The following LCAT variants were observed in gnomAD, a reference collection of about 807,000 sequenced individuals.
LCAT encodes the protein lecithin-cholesterol acyltransferase.
In LCAT, 15 loss-of-function variants were observed where a neutral mutation model predicts 41.0. The observed-to-expected ratio is 0.37, with a 90% CI of 0.24 to 0.56. The LOEUF (loss-of-function observed/expected upper bound fraction) is 0.56. Among genes scored for constraint, LCAT ranks in the 20% least tolerant of loss-of-function variants. The probability of loss-of-function intolerance (pLI) is 0.81; values close to 1 mark genes in which losing one functional copy is unlikely to be tolerated. For missense variants in LCAT, 449 were observed against 595.1 expected, an observed-to-expected ratio of 0.75 and a Z score of 2.55; for synonymous variants, 248 against 245.4, an observed-to-expected ratio of 1.01 and a Z score of -0.10.
At position 67,942,027 on chromosome 16, in the gene LCAT, C is replaced by G. The variant is rs903983937; in HGVS notation, c.748+336G>C. ...GATCCATCCTCAGTGAAGCACATCC[C>G]TGGGCAAAGGCACTCCTGCGAGCAA... is the stretch of plus-strand genomic sequence containing the variant. On this transcript the variant is annotated intron_variant, in intron 5 of 5. Transcript: ENST00000264005. The surrounding 1 kb of genome is among the most constrained non-coding windows in gnomAD (Gnocchi z 6.6). 3.2e-6 allele frequency: 4 copies of G among 1,237,254 alleles called. No homozygotes were observed. Among genetic ancestry groups the G allele is most frequent in the Non-Finnish European group, 4.1e-6 (4 of 974,608 alleles). 76.6% of individuals were successfully genotyped at this position (1,237,254 alleles called of 1,614,324 possible).
At chr16:67,941,756 C>T in intron 5 of LCAT, 23 of 1,009,016 alleles carry the variant, frequency 2.3e-5, no homozygotes, top group Non-Finnish European at 2.7e-5. Flanking sequence ...CCTTGTGTGG[C>T]TTATGCAGCA....
rs1276789031 is a variant in LCAT, at chr16:67,943,030, G to A, written c.311+26C>T. On this transcript the variant is annotated intron_variant, in intron 2 of 5. Coordinates refer to ENST00000264005, the MANE Select transcript of LCAT (RefSeq NM_000229.2). This position sits in a 1 kb window ranked among gnomAD's most constrained non-coding sequence, Gnocchi z 4.6. Reference sequence around the variant, plus strand: ...CAGTAGCCAAGGGGCAGCGTGTTGGGGCTAGGGTGGAGCACATGGCTGTAC... The same window carrying A: ...CAGTAGCCAAGGGGCAGCGTGTTGGAGCTAGGGTGGAGCACATGGCTGTAC... The A allele has an allele frequency of 1.3e-5, 21 of 1,613,726 alleles. No individual in the cohort carries two copies. The highest frequency in any genetic ancestry group is 4.5e-5 in the East Asian group (2 of 44,894).
chr16:67,942,856 C>T lies in LCAT; in HGVS notation c.427+5G>A, dbSNP rs752871592. ...GGAGCCCCAGCCCTGCCCTCTGACA[C>T]AAACCTGCCAGCTTGCTGCTGTCCA... On this transcript the variant is annotated splice_donor_5th_base_variant and intron_variant, in intron 3 of 5. Coordinates refer to ENST00000264005, the MANE Select transcript of LCAT (RefSeq NM_000229.2). The surrounding 1 kb of genome is among the most constrained non-coding windows in gnomAD (Gnocchi z 6.6). 1 of 1,613,562 alleles carries T rather than the reference C, an allele frequency of 6.2e-7. No individual in the cohort carries two copies. Among genetic ancestry groups the T allele is most frequent in the South Asian group, 1.1e-5 (1 of 91,090 alleles).
At chr16:67,941,857 G>C (rs1164119901) in intron 5 of LCAT, 4 of 1,080,804 alleles carry the variant, frequency 3.7e-6, no homozygotes, top group Non-Finnish European at 3.4e-6. Context: ...CGTTTCTCTT[G>C]TCCAGACTGT....
rs779419276 is a variant in LCAT, at chr16:67,944,093, C to T, written c.9G>A (p.Pro3=). 5.8e-6 allele frequency: 9 copies of T among 1,547,506 alleles called. No homozygotes were observed. Among genetic ancestry groups the T allele is most frequent in the South Asian group, 1.2e-5 (1 of 83,880 alleles). Residue 3 remains proline (P), a synonymous_variant, in exon 1 of 6, where the codon CCG becomes CCA. Transcript: ENST00000264005. This position sits in a 1 kb window ranked among gnomAD's most constrained non-coding sequence, Gnocchi z 6.6. MG[P]PGSPWQWVTL... is the part of the protein sequence containing the mutation. ...TCACCCACTGCCATGGGGAGCCGGG[C>T]GGCCCCATTCCAGCCCTGGTGCCTA...
rs747000513 is a variant in LCAT, at chr16:67,942,646, G to A, written c.523+25C>T. On this transcript the variant is annotated intron_variant, in intron 4 of 5. Transcript: ENST00000264005. This position sits in a 1 kb window ranked among gnomAD's most constrained non-coding sequence, Gnocchi z 6.6. ...GTCTGGGGCACCTGCCCCACCCCAA[G>A]CCGGTCATCCGCAGAGACACTCACC... 2.2e-5 allele frequency: 36 copies of A among 1,612,796 alleles called. No individual in the cohort carries two copies. Among genetic ancestry groups the A allele is most frequent in the Non-Finnish European group, 2.9e-5 (34 of 1,179,876 alleles).
chr16:67,942,783 A>G lies in LCAT; in HGVS notation c.428-17T>C, dbSNP rs1272845606. On this transcript the variant is annotated splice_polypyrimidine_tract_variant and intron_variant, in intron 3 of 5. Coordinates refer to ENST00000264005, the MANE Select transcript of LCAT (RefSeq NM_000229.2). The surrounding 1 kb of genome is among the most constrained non-coding windows in gnomAD (Gnocchi z 6.6). The stretch of plus-strand genomic sequence containing the variant: ...GCAGGTACCCTGTGGGGGGACCAGC[A>G]GCACCGGGGGCTTGGGCCATGCCTG... 1 of 1,612,838 alleles carries G rather than the reference A, an allele frequency of 6.2e-7. No homozygotes were observed. The highest frequency in any genetic ancestry group is 1.1e-5 in the South Asian group (1 of 91,074).
Position 67,943,880 on chromosome 16 carries a change from T to C in LCAT, c.154+68A>G. ...GCAGAAGGGCTTTGGCCAGGTCAGCTGCCAGGGGCTGGGGCCCAGGCTCCC... is the reference window on the plus strand; with the variant it reads ...GCAGAAGGGCTTTGGCCAGGTCAGCCGCCAGGGGCTGGGGCCCAGGCTCCC... On this transcript the variant is annotated intron_variant, in intron 1 of 5. Transcript: ENST00000264005. The surrounding 1 kb of genome is among the most constrained non-coding windows in gnomAD (Gnocchi z 4.6). 1 of 1,426,306 alleles carries C rather than the reference T, an allele frequency of 7.0e-7. No individual in the cohort carries two copies. The highest frequency in any genetic ancestry group is 9.5e-7 in the Non-Finnish European group (1 of 1,057,380). 88.4% of individuals were successfully genotyped at this position (1,426,306 alleles called of 1,614,324 possible).
intron 5 of LCAT, among the ~76,000 whole-genome samples, chr16:67,941,134 T>A (rs2058288888): frequency 6.6e-6 from 1 of 151,918 alleles, no homozygotes; most frequent in African/African-American, 2.4e-5. Flanking sequence ...GGAAACCTAA[T>A]CTCTACTAAA....
At chr16:67,941,825 T>C (rs1240129950) in intron 5 of LCAT, 1 of 1,035,970 alleles carries the variant, frequency 9.7e-7, no homozygotes, top group Non-Finnish European at 1.2e-6. Context: ...CTGTTTGATG[T>C]TTATTGGTGG....
chr16:67,940,300 C>T lies in LCAT; in HGVS notation c.927G>A (p.Leu309=). 1 of 1,614,120 alleles carries T rather than the reference C, an allele frequency of 6.2e-7. No individual in the cohort carries two copies. Among genetic ancestry groups the T allele is most frequent in the Non-Finnish European group, 8.5e-7 (1 of 1,180,042 alleles). Residue 309 remains leucine, a synonymous_variant, in exon 6 of 6, where the codon CTG becomes CTA. Coordinates refer to ENST00000264005, the MANE Select transcript of LCAT (RefSeq NM_000229.2). ...ACATGTACCAGCCTTCCTCAAAGTG[C>T]AGGTCTGCAAAGAAGCGTTGGAAGT... is the stretch of plus-strand genomic sequence containing the variant. The part of the protein sequence containing the change: ...GRDFQRFFAD[L]HFEEGWYMWL...
Position 67,942,955 on chromosome 16 carries a change from A to G in LCAT, c.333T>C (p.Ser111=). The change falls in exon 3 of 6, where the codon TCT becomes TCC. Residue 111 remains serine, a synonymous_variant. Transcript: ENST00000264005. This position sits in a 1 kb window ranked among gnomAD's most constrained non-coding sequence, Gnocchi z 6.6. ...CACCAGGGGCGTTGGACACGAGCCC[A>G]GAGCTCCGGTTGTAGACAACCCTGC... ...DNTRVVYNRS[S]GLVSNAPGVQ... is the part of the protein sequence containing the mutation. The G allele has an allele frequency of 6.2e-7, 1 of 1,613,894 alleles. No individual in the cohort carries two copies. Among genetic ancestry groups the G allele is most frequent in the Non-Finnish European group, 8.5e-7 (1 of 1,179,982 alleles).
chr16:67,939,988 G>T lies in LCAT; in HGVS notation c.1239C>A (p.His413Gln). ...NMVFSNLTLEHINAILLGAYR... is the reference protein window; with the variant it reads ...NMVFSNLTLEQINAILLGAYR... Reference sequence around the variant, plus strand: ...AGGCACCCAGCAGGATGGCATTGATGTGCTCCAGGGTCAGGTTGCTGAAGA... The same window carrying T: ...AGGCACCCAGCAGGATGGCATTGATTTGCTCCAGGGTCAGGTTGCTGAAGA... Residue 413 changes from histidine (H) to glutamine (Q), a missense_variant, in exon 6 of 6, where the codon CAC becomes CAA. Coordinates refer to ENST00000264005, the MANE Select transcript of LCAT (RefSeq NM_000229.2). 2 of 1,613,720 alleles carry T rather than the reference G, an allele frequency of 1.2e-6. No homozygotes were observed. Among genetic ancestry groups the T allele is most frequent in the Non-Finnish European group, 1.7e-6 (2 of 1,180,044 alleles).
At chr16:67,941,566 A>G (rs2058290597) in intron 5 of LCAT, 6 of 893,250 alleles carry the variant, frequency 6.7e-6, no homozygotes, top group Non-Finnish European at 8.0e-6. Flanking sequence ...GACTGCGGCT[A>G]TGATCACGCC....
At position 67,940,403 on chromosome 16, in the gene LCAT, C is replaced by T; in HGVS notation, c.824G>A (p.Trp275Ter). Residue 275 changes from tryptophan (W) to a stop codon, truncating the protein, a stop_gained, in exon 6 of 6, where the codon TGG (tryptophan) becomes TAG (stop). Transcript: ENST00000264005. LOFTEE classifies it high-confidence loss of function. ...EEQRITTTSP[W>*]MFPSRMAWPE... ...CCACGCCATGCGAGAGGGAAACATC[C>T]AGGGGGAGGTGGTGGTTATGCGCTG... The T allele has an allele frequency of 6.2e-7, 1 of 1,614,098 alleles. No individual in the cohort carries two copies. The highest frequency in any genetic ancestry group is 8.5e-7 in the Non-Finnish European group (1 of 1,180,024).
intron 5 of LCAT, among the ~76,000 whole-genome samples, chr16:67,941,132 A>G (rs932530145): frequency 1.3e-5 from 2 of 150,312 alleles, no homozygotes; most frequent in Admixed American, 6.6e-5. Context: ...GGGGAAACCT[A>G]ATCTCTACTA....
chr16:67,942,747 C>T lies in LCAT; in HGVS notation c.447G>A (p.Val149=), dbSNP rs755292532. 2 of 1,612,924 alleles carry T rather than the reference C, an allele frequency of 1.2e-6. No individual in the cohort carries two copies. Among genetic ancestry groups the T allele is most frequent in the African/African-American group, 2.7e-5 (2 of 75,054 alleles). ...CGTAGCCATTGTTGACCAGGTTCTGCACCAGTGTGTGCAGGTACCCTGTGG... is the reference window on the plus strand; with the variant it reads ...CGTAGCCATTGTTGACCAGGTTCTGTACCAGTGTGTGCAGGTACCCTGTGG... The part of the protein sequence containing the change: ...SKLAGYLHTL[V]QNLVNNGYVR... Residue 149 remains valine (V), a synonymous_variant, in exon 4 of 6, where the codon GTG becomes GTA. Coordinates refer to ENST00000264005, the MANE Select transcript of LCAT (RefSeq NM_000229.2). The surrounding 1 kb of genome is among the most constrained non-coding windows in gnomAD (Gnocchi z 6.6).
At chr16:67,941,562 G>A in intron 5 of LCAT, 2 of 865,598 alleles carry the variant, frequency 2.3e-6, no homozygotes, top group Non-Finnish European at 2.8e-6. Context: ...TTGAGACTGC[G>A]GCTATGATCA....
rs771453198 is a variant in LCAT, at chr16:67,944,045, G to GAGCAGCAGCCCC, written c.45_56dup (p.Gly16_Leu19dup). ...GGAGCCAGAAGGGGGCGGCAGGAGG[G>GAGCAGCAGCCCC]AGCAGCAGCCCCAGCAGCAGCGTCA... On this transcript the variant is annotated inframe_insertion, in exon 1 of 6. Transcript: ENST00000264005. The surrounding 1 kb of genome is among the most constrained non-coding windows in gnomAD (Gnocchi z 6.6). 1 of 1,547,852 alleles carries GAGCAGCAGCCCC rather than the reference G, an allele frequency of 6.5e-7. No homozygotes were observed. The highest frequency in any genetic ancestry group is 8.7e-7 in the Non-Finnish European group (1 of 1,145,984).
Sources: allele counts gnomAD v4.1 joint callset (sites outside exome capture counted in the v4.1 genomes callset), GRCh38; gene constraint gnomAD v4.1.1; non-coding constraint Gnocchi (gnomAD v3.1); transcripts MANE v1.5; gene names NCBI Gene and HGNC (gene_info 2026-07-23, HGNC 2026-07-21).